Variants in TECTA observed in about 807,000 individuals in gnomAD.
TECTA encodes the protein alpha-tectorin.
Under a neutral mutation model 216.8 loss-of-function variants are expected in TECTA, and 128 were observed. That is an observed-to-expected ratio of 0.59 (90% CI 0.51 to 0.68). The LOEUF (loss-of-function observed/expected upper bound fraction) is 0.68. Among genes scored for constraint, TECTA ranks in the 30% least tolerant of loss-of-function variants. The probability of loss-of-function intolerance (pLI) is 0.00; values close to 1 mark genes in which losing one functional copy is unlikely to be tolerated. For synonymous variants in TECTA, 1,089 were observed against 1,117.1 expected, an observed-to-expected ratio of 0.97 and a Z score of 0.50; for missense variants, 2,551 against 2,786.2, an observed-to-expected ratio of 0.92 and a Z score of 1.90.
In TECTA at chr11:121,160,161, AT is replaced by A; in HGVS notation, c.4719del (p.Phe1573LeufsTer2). The A allele has an allele frequency of 6.2e-7, 1 of 1,614,178 alleles. No homozygotes were observed. Among genetic ancestry groups the A allele is most frequent in the Non-Finnish European group, 8.5e-7 (1 of 1,180,042 alleles). On this transcript the variant is annotated frameshift_variant, in exon 15 of 24. Coordinates refer to ENST00000392793, the MANE Select transcript of TECTA (RefSeq NM_005422.4). LOFTEE classifies it high-confidence loss of function. ...TGAATGGCACACAAGTGAATGTTCC[AT>A]TTATAACTGGTTTGGCAACCAAAAT... is the stretch of plus-strand genomic sequence containing the variant. Reference protein sequence around the residue: ...KVNGTQVNVPFITGLATKIYS... With the variant: ...KVNGTQVNVPXITGLATKIYS...
At chr11:121,128,513 C>T (rs553694518) in intron 9 of TECTA, among the ~76,000 whole-genome samples, 169 bp downstream of exon 9, 1 of 152,296 alleles carries the variant, frequency 6.6e-6, no homozygotes, top group South Asian at 2.1e-4. Flanking sequence ...TAAGAATTAT[C>T]AGGTGGAGAA....
At chr11:121,183,655 A>G (rs1252735638) in intron 20 of TECTA, among the ~76,000 whole-genome samples, 1 of 152,120 alleles carries the variant, frequency 6.6e-6, no homozygotes, top group African/African-American at 2.4e-5. Context: ...TGAACTCAGG[A>G]GGCAGAGGTT....
chr11:121,165,212 AG>A, intron 16 of TECTA, 60 bp from the exon 17 acceptor site: 1 of 1,503,022 alleles, frequency 6.7e-7, no homozygotes, highest in Non-Finnish European at 9.1e-7. Flanking sequence ...TGGAACCAAA[AG>A]CTACCGCATG....
intron 16 of TECTA, among the ~76,000 whole-genome samples, chr11:121,164,869 G>A (rs770706674): frequency 8.5e-5 from 13 of 152,162 alleles, no homozygotes; most frequent in Non-Finnish European, 1.6e-4. Flanking sequence ...AAATGATCTG[G>A]ATGCTACTCT....
rs1223512271 is a variant in TECTA at position 121,189,864 on chromosome 11, CG to C, written c.6353del (p.Gly2118AlafsTer22). ...GTGTAACAGGAACCCTGCAGGAGGA[CG>C]GCAAGAGCTGCAGAGGTAGACACTC... is the stretch of plus-strand genomic sequence containing the variant. Reference protein sequence around the residue: ...SCVTGTLQEDGKSCRASNSSM... With the variant: ...SCVTGTLQEDXKSCRASNSSM... On this transcript the variant is annotated frameshift_variant, in exon 23 of 24. Transcript: ENST00000392793. LOFTEE classifies it high-confidence loss of function. The C allele has an allele frequency of 1.9e-6, 3 of 1,612,838 alleles. No homozygotes were observed. Among genetic ancestry groups the C allele is most frequent in the African/African-American group, 1.3e-5 (1 of 74,842 alleles).
intron 12 of TECTA, among the ~76,000 whole-genome samples, chr11:121,146,656 C>G (rs1946841463): frequency 6.6e-6 from 1 of 152,178 alleles, no homozygotes; most frequent in Non-Finnish European, 1.5e-5. Flanking sequence ...ATCTGTGTGA[C>G]CTTGGGGCAA....
At chr11:121,149,785 A>G (rs532379389) in intron 12 of TECTA, among the ~76,000 whole-genome samples, 3 of 152,366 alleles carry the variant, frequency 2.0e-5, no homozygotes, top group Admixed American at 2.0e-4. Context: ...GTACAAATCC[A>G]GGTGCAGAGC....
At chr11:121,162,498 G>T in intron 16 of TECTA, 128 bp downstream of exon 16, 1 of 1,269,978 alleles carries the variant, frequency 7.9e-7, no homozygotes, top group South Asian at 1.3e-5. Context: ...TCCAGGATTG[G>T]ATAGTAGAGA....
Position 121,146,104 on chromosome 11 carries a change from T to G in TECTA, c.4093T>G (p.Tyr1365Asp), listed in dbSNP as rs762261543. Reference sequence around the variant, plus strand: ...GATTACGGTGACTGGCTGGAGGAATTACACGTCCTGCAGTGAGTCCTTCTC... The same window carrying G: ...GATTACGGTGACTGGCTGGAGGAATGACACGTCCTGCAGTGAGTCCTTCTC... Reference protein sequence around the residue: ...QGITVTGWRNYTSCTVTCPPN... With the variant: ...QGITVTGWRNDTSCTVTCPPN... The change falls in exon 12 of 24, where the codon TAC becomes GAC. Residue 1365 changes from tyrosine to aspartate, a missense_variant. Tyr to Asp is a radical substitution (Grantham distance 160). Coordinates refer to ENST00000392793, the MANE Select transcript of TECTA (RefSeq NM_005422.4). 16 of 1,609,082 alleles carry G rather than the reference T, an allele frequency of 9.9e-6. No individual in the cohort carries two copies. The East Asian group carries it at 2.9e-4, about 29-fold the overall frequency.
rs369283381 is a variant in TECTA, at chr11:121,125,525, A to T, written c.1427A>T (p.Asp476Val). Reference sequence around the variant, plus strand: ...CCACTGGATGACTTCCTCCGCCCGGATGGCAGGCCGGCCATGTCTGTCCTG... The same window carrying T: ...CCACTGGATGACTTCCTCCGCCCGGTTGGCAGGCCGGCCATGTCTGTCCTG... ...KNPLDDFLRP[D>V]GRPAMSVLDL... Residue 476 changes from aspartate to valine, a missense_variant, in exon 8 of 24, where the codon GAT becomes GTT. This residue lies in a region of TECTA where 2,375 missense variants were observed against 2,563.9 expected (regional missense o/e 0.93). Coordinates refer to ENST00000392793, the MANE Select transcript of TECTA (RefSeq NM_005422.4). The T allele has an allele frequency of 3.7e-6, 6 of 1,614,208 alleles. No homozygotes were observed. The highest frequency in any genetic ancestry group is 3.4e-6 in the Non-Finnish European group (4 of 1,180,050).
At chr11:121,178,613 G>T (rs12799860) in intron 20 of TECTA, among the ~76,000 whole-genome samples, 1 of 151,074 alleles carries the variant, frequency 6.6e-6, no homozygotes, top group Non-Finnish European at 1.5e-5. Flanking sequence ...TGTAGAATGA[G>T]CTAGGAAGAA....
At chr11:121,180,097 A>T (rs1947211349) in intron 20 of TECTA, among the ~76,000 whole-genome samples, 1 of 147,378 alleles carries the variant, frequency 6.8e-6, no homozygotes, top group African/African-American at 2.5e-5. Flanking sequence ...TTATTGTTTT[A>T]TGGTTGTTTG....
At position 121,113,427 on chromosome 11, in the gene TECTA, C is replaced by T; in HGVS notation, c.625-126C>T. Reference sequence around the variant, plus strand: ...CCTTTCTCACCTAGAATGCTGGCCCCAGTGACTCCAGGAAAAGACGGCTCT... The same window carrying T: ...CCTTTCTCACCTAGAATGCTGGCCCTAGTGACTCCAGGAAAAGACGGCTCT... On this transcript the variant is annotated intron_variant, in intron 5 of 23. Coordinates refer to ENST00000392793, the MANE Select transcript of TECTA (RefSeq NM_005422.4). This position sits in a 1 kb window ranked among gnomAD's most constrained non-coding sequence, Gnocchi z 4.2. 1.4e-6 allele frequency: 2 copies of T among 1,460,354 alleles called. No homozygotes were observed. Among genetic ancestry groups the T allele is most frequent in the Non-Finnish European group, 1.9e-6 (2 of 1,046,456 alleles). The allele number at this position is 1,460,354 out of a possible 1,614,324, so 90.5% of individuals were successfully genotyped here. A position where few individuals can be genotyped will look rare whatever the true frequency, so the allele number is the denominator to read the frequency against.
At chr11:121,186,461 C>T (rs550612757) in intron 20 of TECTA, among the ~76,000 whole-genome samples, 1 of 152,320 alleles carries the variant, frequency 6.6e-6, no homozygotes, top group African/African-American at 2.4e-5. Context: ...CCCTTTCCTT[C>T]AGTTTTTCTG....
intron 3 of TECTA, 88 bp downstream of exon 3, chr11:121,106,052 G>A (rs879306509): frequency 1.2e-6 from 2 of 1,601,982 alleles, no homozygotes; most frequent in South Asian, 1.1e-5. Context: ...CTCTTCCAGA[G>A]CTCTGGGAAG....
At chr11:121,118,242 C>T in intron 6 of TECTA, 64 bp from the exon 7 acceptor site, 1 of 1,595,748 alleles carries the variant, frequency 6.3e-7, no homozygotes, top group Non-Finnish European at 8.6e-7. Context: ...AAGCATTTAG[C>T]CCAATGCCTG....
At chr11:121,137,034 C>A (rs1235976335) in intron 10 of TECTA, among the ~76,000 whole-genome samples, 1 of 152,178 alleles carries the variant, frequency 6.6e-6, no homozygotes, top group Non-Finnish European at 1.5e-5. Context: ...GGACTTGGAT[C>A]TCCCAAATGA....
chr11:121,187,926 G>A lies in TECTA; in HGVS notation c.6094G>A (p.Asp2032Asn). 2 of 1,614,190 alleles carry A rather than the reference G, an allele frequency of 1.2e-6. No individual in the cohort carries two copies. Among genetic ancestry groups the A allele is most frequent in the Non-Finnish European group, 1.7e-6 (2 of 1,180,036 alleles). Reference protein sequence around the residue: ...FHVTVFKFIGDYDEVHLHCAV... With the variant: ...FHVTVFKFIGNYDEVHLHCAV... The stretch of plus-strand genomic sequence containing the variant: ...CGTCACCGTCTTTAAATTCATAGGG[G>A]ATTACGACGAAGTTCACCTTCACTG... Residue 2032 changes from aspartate (D) to asparagine (N), a missense_variant, in exon 21 of 24, where the codon GAT (aspartate) becomes AAT (asparagine). This residue lies in a region of TECTA where 58 missense variants were observed against 105.9 expected (regional missense o/e 0.55). Transcript: ENST00000392793.
chr11:121,179,050 T>C (rs919504742), intron 20 of TECTA, among the ~76,000 whole-genome samples: 10 of 152,122 alleles, frequency 6.6e-5, no homozygotes, highest in African/African-American at 2.4e-4. Flanking sequence ...TTACATTTCA[T>C]TGATTCTTTG....
Sources: allele counts gnomAD v4.1 joint callset (sites outside exome capture counted in the v4.1 genomes callset), GRCh38; gene constraint gnomAD v4.1.1; regional missense constraint gnomAD v4.1.1; non-coding constraint Gnocchi (gnomAD v3.1); transcripts MANE v1.5; gene names NCBI Gene and HGNC (gene_info 2026-07-23, HGNC 2026-07-21).